Variants in CNBD2 observed in about 807,000 individuals in gnomAD.
The protein encoded by CNBD2 is cyclic nucleotide binding domain containing 2.
In CNBD2, 64 loss-of-function variants were observed where a neutral mutation model predicts 63.7. That is an observed-to-expected ratio of 1.00 (90% CI 0.82 to 1.24). The LOEUF is 1.24. Among genes scored for constraint, CNBD2 ranks in the 50% most tolerant of loss-of-function variants. The pLI is 0.00. For synonymous variants in CNBD2, 229 were observed against 255.4 expected (o/e 0.90, Z 0.99); for missense variants, 691 against 713.5 (o/e 0.97, Z 0.36).
chr20:35,984,959 A>G (rs1381810814), intron 6 of CNBD2, among the ~76,000 whole-genome samples, 181 bp downstream of exon 6: 1 of 151,942 alleles, frequency 6.6e-6, no homozygotes, highest in Non-Finnish European at 1.5e-5. Context: ...TTCGGGTCTC[A>G]GCTCAAATAT....
In CNBD2 at chr20:35,996,630, C is replaced by G. The variant is rs562748493; in HGVS notation, c.970+1478C>G. ...TCAGGCAATTCTCCTGCCTCAGCAT[C>G]CCGAGCAGCTGGGATTACGGGCACA... On this transcript the variant is annotated intron_variant, in intron 8 of 11. Coordinates refer to ENST00000373973, the MANE Select transcript of CNBD2 (RefSeq NM_001365709.1). Among the ~76,000 whole-genome samples the G allele has an allele frequency of 1.1e-4, 16 of 151,802 alleles. No individual in the cohort carries two copies. In the South Asian group the frequency reaches 3.1e-3, roughly 30 times the overall value.
intron 3 of CNBD2, among the ~76,000 whole-genome samples, chr20:35,976,846 C>T (rs2056526799): frequency 6.6e-6 from 1 of 152,056 alleles, no homozygotes; most frequent in Admixed American, 6.5e-5. Context: ...TTGTTTTTTT[C>T]CTCAGTGGAA....
intron 8 of CNBD2, among the ~76,000 whole-genome samples, chr20:36,007,983 C>T (rs536391012): frequency 2.6e-5 from 4 of 152,184 alleles, no homozygotes; most frequent in Admixed American, 6.6e-5. Flanking sequence ...GGAATGAATC[C>T]AAGAGACCTG....
At chr20:36,007,030 A>G (rs2056993946) in intron 8 of CNBD2, among the ~76,000 whole-genome samples, 5 of 152,140 alleles carry the variant, frequency 3.3e-5, no homozygotes, top group Admixed American at 3.3e-4. Context: ...TCTACTAAAA[A>G]TACAGAAAAT....
intron 2 of CNBD2, chr20:35,975,092 C>G (rs1444062480): frequency 7.1e-6 from 1 of 141,362 alleles, no homozygotes; most frequent in East Asian, 2.0e-4. Context: ...AGCTCCGCCT[C>G]CCGGGTTCAC....
At chr20:35,985,339 T>C (rs2056653588) in intron 6 of CNBD2, among the ~76,000 whole-genome samples, 1 of 151,728 alleles carries the variant, frequency 6.6e-6, no homozygotes, top group Non-Finnish European at 1.5e-5. Context: ...CTAATTGTTC[T>C]ATTATTTGTA....
downstream of CNBD2, chr20:35,957,736 T>C (rs1176475773): frequency 6.6e-6 from 1 of 152,220 alleles, no homozygotes; most frequent in Non-Finnish European, 1.5e-5. Flanking sequence ...GAAACCAAGA[T>C]GTCAGAAGAT....
intron 10 of CNBD2, among the ~76,000 whole-genome samples, chr20:36,017,820 G>T (rs963670341): frequency 6.6e-6 from 1 of 152,120 alleles, no homozygotes; most frequent in Non-Finnish European, 1.5e-5. Context: ...CTCCTGGAAA[G>T]CCCTTCTGCC....
intron 8 of CNBD2, among the ~76,000 whole-genome samples, chr20:36,007,736 T>C (rs2057004107): frequency 1.3e-5 from 2 of 152,180 alleles, no homozygotes; most frequent in South Asian, 4.1e-4. Flanking sequence ...TTGCCTAGGC[T>C]GGTCTTGAAC....
At chr20:35,965,290 G>A (rs1322502701), upstream of CNBD2, among the ~76,000 whole-genome samples, 3 of 149,028 alleles carry the variant, frequency 2.0e-5, no homozygotes, top group African/African-American at 4.9e-5. Context: ...TGATGCTCCC[G>A]CCTCAGCCTC....
upstream of CNBD2, among the ~76,000 whole-genome samples, chr20:35,967,836 A>G (rs2147187044): frequency 6.6e-6 from 1 of 152,266 alleles, no homozygotes; most frequent in South Asian, 2.1e-4. Context: ...CTGGGAACAA[A>G]GTGAGACAGT....
chr20:36,011,724 A>T (rs2057064176), intron 10 of CNBD2, among the ~76,000 whole-genome samples: 1 of 152,206 alleles, frequency 6.6e-6, no homozygotes, highest in African/African-American at 2.4e-5. Context: ...AGATAACATT[A>T]TTGTCTATGT....
At chr20:35,954,872 G>T in exon 1 of CNBD2, 1 of 304,574 alleles carries the variant, frequency 3.3e-6, no homozygotes, top group South Asian at 2.8e-5. Context: ...GTGGCGCCCG[G>T]CCGGTGGTGA....
chr20:36,011,793 G>A (rs2057065027), intron 10 of CNBD2, among the ~76,000 whole-genome samples: 1 of 152,124 alleles, frequency 6.6e-6, no homozygotes, highest in African/African-American at 2.4e-5. Flanking sequence ...TGAGATTATA[G>A]CAAGGTCACA....
intron 2 of CNBD2, among the ~76,000 whole-genome samples, chr20:35,960,479 A>C (rs1222538390): frequency 3.3e-5 from 5 of 152,220 alleles, no homozygotes; most frequent in Non-Finnish European, 7.3e-5. Context: ...AGCTGGGACC[A>C]CAGGCGCGTA....
At chr20:36,006,617 A>G (rs1037925545) in intron 8 of CNBD2, among the ~76,000 whole-genome samples, 24 of 152,074 alleles carry the variant, frequency 1.6e-4, no homozygotes, top group Admixed American at 5.9e-4. Context: ...GGGGTTTGCC[A>G]TGTTGCCCAG....
At chr20:35,982,974 A>T (rs181940528) in intron 4 of CNBD2, among the ~76,000 whole-genome samples, 61 of 151,940 alleles carry the variant, frequency 4.0e-4, no homozygotes, top group Middle Eastern at 3.4e-3. Flanking sequence ...CGACTCTCCA[A>T]ATAATAGAAC....
chr20:36,009,512 C>G (rs1201364564), intron 9 of CNBD2, among the ~76,000 whole-genome samples: 1 of 150,142 alleles, frequency 6.7e-6, no homozygotes, highest in Non-Finnish European at 1.5e-5. Context: ...GACCCTATCT[C>G]TTAAAAAAAG....
chr20:36,023,611 C>T lies in CNBD2; in HGVS notation c.1279C>T (p.Gln427Ter), dbSNP rs752175179. 1 of 1,599,062 alleles carries T rather than the reference C, an allele frequency of 6.3e-7. No individual in the cohort carries two copies. ...TGTGACTTCTCCCGAGGGTCTTCAC[C>T]AGGCCTTCCTTCCAGAGGGTGAATG... is the stretch of plus-strand genomic sequence containing the variant. ...VEQGEILGLH[Q>*]AFLPEGECDT... The change falls in exon 11 of 12, where the codon CAG (glutamine) becomes TAG (stop). Residue 427 changes from glutamine (Q) to a stop codon, truncating the protein, a stop_gained. Transcript: ENST00000373973. LOFTEE classifies it high-confidence loss of function.
Sources: allele counts gnomAD v4.1 joint callset (sites outside exome capture counted in the v4.1 genomes callset), GRCh38; gene constraint gnomAD v4.1.1; transcripts MANE v1.5; gene names NCBI Gene and HGNC (gene_info 2026-07-23, HGNC 2026-07-21).